Variants in SNRPA1 observed in about 807,000 individuals in gnomAD.
The protein encoded by SNRPA1 is U2 small nuclear ribonucleoprotein A'.
Under a neutral mutation model 32.3 loss-of-function variants are expected in SNRPA1, and 5 were observed. The observed-to-expected ratio is 0.15, with a 90% CI of 0.08 to 0.33. SNRPA1 has a LOEUF of 0.33. SNRPA1 is among the 10% of genes least tolerant of loss of function. The pLI, the probability that SNRPA1 is intolerant of heterozygous loss-of-function variation, is 1.00. For missense variants in SNRPA1, 198 were observed against 311.1 expected, an observed-to-expected ratio of 0.64 and a Z score of 2.74; for synonymous variants, 111 against 120.1, an observed-to-expected ratio of 0.92 and a Z score of 0.50.
chr15:101,288,357 C>T (rs2039480032), intron 3 of SNRPA1: 1 of 151,794 alleles, frequency 6.6e-6, no homozygotes, highest in Admixed American at 6.6e-5. Context: ...TGCCATTCTC[C>T]TGCCTCAGCC....
chr15:101,289,704 G>A (rs1262702139), intron 3 of SNRPA1: 1 of 151,946 alleles, frequency 6.6e-6, no homozygotes, highest in Non-Finnish European at 1.5e-5. Context: ...GGCCAAGGCG[G>A]GTGGATCACA....
intron 1 of SNRPA1, among the ~76,000 whole-genome samples, chr15:101,294,550 C>G (rs940428277): frequency 6.6e-6 from 1 of 152,144 alleles, no homozygotes; most frequent in Admixed American, 6.5e-5. Flanking sequence ...CTGGGTGACA[C>G]AGTTCAATTT....
intron 2 of SNRPA1, among the ~76,000 whole-genome samples, chr15:101,292,252 T>C (rs928781346): frequency 6.6e-6 from 1 of 152,202 alleles, no homozygotes; most frequent in Admixed American, 6.5e-5. Context: ...CTAATTCCAC[T>C]GTCATACCAT....
rs2039439937 is a variant in SNRPA1 at position 101,285,049 on chromosome 15, T to C, written c.627A>G (p.Ala209=). The part of the protein sequence containing the change: ...GDVEAIKNAI[A]NASTLAEVER... ...CCACTTCAGCCAGAGTTGAAGCATTTGCTATGGCATTCTGGAGGACAGAGG... is the reference window on the plus strand; with the variant it reads ...CCACTTCAGCCAGAGTTGAAGCATTCGCTATGGCATTCTGGAGGACAGAGG... The change falls in exon 8 of 9, where the codon GCA becomes GCG. Residue 209 remains alanine, a synonymous_variant. Coordinates refer to ENST00000254193, the MANE Select transcript of SNRPA1 (RefSeq NM_003090.4). 6.2e-7 allele frequency: 1 copy of C among 1,613,376 alleles called. No homozygotes were observed. The highest frequency in any genetic ancestry group is 8.5e-7 in the Non-Finnish European group (1 of 1,179,466).
chr15:101,284,325 C>T (rs112763308), intron 8 of SNRPA1, among the ~76,000 whole-genome samples: 2 of 152,324 alleles, frequency 1.3e-5, no homozygotes, highest in Non-Finnish European at 2.9e-5. Flanking sequence ...CCTCGGACTG[C>T]TTGGCTCTAG....
chr15:101,289,529 C>A (rs36106922), intron 3 of SNRPA1, among the ~76,000 whole-genome samples: 47,681 of 151,918 alleles, frequency 0.31, 7,653 homozygotes, highest in Admixed American at 0.37. Context: ...AGACAGGAAG[C>A]CCCAGAACAG....
chr15:101,287,250 A>T lies in SNRPA1; in HGVS notation c.357-240T>A, dbSNP rs574743982. ...TGCACAACTTGCAGGTTTGTTACAT[A>T]TGTATACATGTGCCATGTTGGTGGG... is the stretch of plus-strand genomic sequence containing the variant. On this transcript the variant is annotated intron_variant, in intron 4 of 8. Transcript: ENST00000254193. Among the ~76,000 whole-genome samples the T allele has an allele frequency of 1.8e-4, 27 of 152,320 alleles. No homozygotes were observed. In the South Asian group the frequency reaches 5.6e-3, roughly 32 times the overall value.
At chr15:101,284,859 G>T (rs28415096) in intron 8 of SNRPA1, 108 bp downstream of exon 8, 221,764 of 801,492 alleles carry the variant, frequency 0.28, 34,024 homozygotes, top group Middle Eastern at 0.37. Context: ...TAGATTTGAT[G>T]TAAGGAGGCA....
At chr15:101,295,013 G>A (rs546199528) in intron 1 of SNRPA1, 84 bp downstream of exon 1, 8 of 893,854 alleles carry the variant, frequency 9.0e-6, no homozygotes, top group African/African-American at 1.8e-5. Flanking sequence ...GCCAAGCTCC[G>A]GCCTTCGGTG....
intron 8 of SNRPA1, among the ~76,000 whole-genome samples, chr15:101,282,371 G>A (rs559681885): frequency 6.6e-6 from 1 of 152,280 alleles, no homozygotes; most frequent in South Asian, 2.1e-4. Flanking sequence ...TTATTGTATT[G>A]GTTTCATCAT....
In SNRPA1 at chr15:101,295,181, T is replaced by C; in HGVS notation, c.-3A>G. The C allele has an allele frequency of 3.2e-6, 5 of 1,544,726 alleles. No homozygotes were observed. Among genetic ancestry groups the C allele is most frequent in the Non-Finnish European group, 4.3e-6 (5 of 1,149,616 alleles). On this transcript the variant is annotated 5_prime_UTR_variant, in exon 1 of 9. Coordinates refer to ENST00000254193, the MANE Select transcript of SNRPA1 (RefSeq NM_003090.4). ...AGCTCCGCCGTCAGCTTGACCATCC[T>C]GCAGCCTCCCGTTCCCCCGCGCTGT...
At chr15:101,294,841 G>A (rs944437920) in intron 1 of SNRPA1, 1 of 397,932 alleles carries the variant, frequency 2.5e-6, no homozygotes, top group Admixed American at 4.5e-5. Context: ...GCCCCACGAG[G>A]ACGCACCAGG....
Position 101,285,779 on chromosome 15 carries a change from G to A in SNRPA1, c.562C>T (p.Pro188Ser), listed in dbSNP as rs866869396. Residue 188 changes from proline (P) to serine (S), a missense_variant, in exon 7 of 9, where the codon CCA becomes TCA. Transcript: ENST00000254193. The part of the protein sequence containing the change: ...SKTFNPGAGL[P>S]TDKKKGGPSP... The stretch of plus-strand genomic sequence containing the variant: ...GGCCCACCTTTCTTTTTGTCAGTTG[G>A]CAAACCAGCACCTGGATTAAAACTT... The A allele has an allele frequency of 2.5e-6, 4 of 1,613,310 alleles. No individual in the cohort carries two copies. The African/African-American group carries it at 5.3e-5, about 22-fold the overall frequency.
chr15:101,282,575 C>G (rs912182850), intron 8 of SNRPA1, among the ~76,000 whole-genome samples: 1 of 152,188 alleles, frequency 6.6e-6, no homozygotes, highest in African/African-American at 2.4e-5. Flanking sequence ...AGTCTGAAAC[C>G]TTATCAATGA....
chr15:101,292,817 G>T (rs1596473001), intron 2 of SNRPA1: 4 of 356,230 alleles, frequency 1.1e-5, no homozygotes, highest in Non-Finnish European at 1.5e-5. Flanking sequence ...TAGGAAAAGT[G>T]AAGTTCATTT....
intron 3 of SNRPA1, 111 bp from the exon 4 acceptor site, chr15:101,287,813 T>A (rs2039472901): frequency 4.3e-6 from 4 of 924,798 alleles, no homozygotes; most frequent in Non-Finnish European, 6.9e-6. Flanking sequence ...ACTGAATTTT[T>A]ACTCTCTAGC....
intron 3 of SNRPA1, among the ~76,000 whole-genome samples, chr15:101,288,968 A>T (rs2039488311): frequency 6.6e-6 from 1 of 152,186 alleles, no homozygotes; most frequent in Admixed American, 6.5e-5. Context: ...AATTGGGTAG[A>T]TGGTGGGGAA....
In SNRPA1 at chr15:101,293,161, G is replaced by A. The variant is rs138801817; in HGVS notation, c.94C>T (p.Pro32Ser). 4.0e-4 allele frequency: 637 copies of A among 1,606,698 alleles called. 3 individuals are homozygous for A. The African/African-American group carries it at 7.8e-3, about 20-fold the overall frequency. ...GTAGCACCTAGATTTTCAATGACGG[G>A]AATTTTATACCCTATAAAATGGAGG... ...RELDLRGYKI[P>S]VIENLGATLD... Residue 32 changes from proline (P) to serine (S), a missense_variant, in exon 2 of 9, where the codon CCC (proline) becomes TCC (serine). Pro to Ser is a moderately conservative substitution (Grantham distance 74, BLOSUM62 -1). Coordinates refer to ENST00000254193, the MANE Select transcript of SNRPA1 (RefSeq NM_003090.4).
intron 3 of SNRPA1, among the ~76,000 whole-genome samples, chr15:101,288,751 A>C (rs913343418): frequency 1.3e-5 from 2 of 152,232 alleles, no homozygotes; most frequent in African/African-American, 4.8e-5. Flanking sequence ...GTACAGGAAG[A>C]AGCAGAGGGG....
Sources: gnomAD v4.1 joint callset for allele counts (sites outside exome capture counted in the v4.1 genomes callset) on GRCh38, gnomAD v4.1.1 for gene constraint, MANE v1.5 for transcripts, NCBI Gene and HGNC (gene_info 2026-07-23, HGNC 2026-07-21) for gene names.